Variants in CMTM7 observed in about 807,000 individuals in gnomAD.
The protein encoded by CMTM7 is CKLF-like MARVEL transmembrane domain-containing protein 7.
CMTM7 carries 7 observed loss-of-function variants against 19.3 expected under a neutral mutation model. The observed-to-expected ratio is 0.36, with a 90% CI of 0.21 to 0.68. The LOEUF is 0.68. Ranked by LOEUF, CMTM7 falls within the 30% of genes least tolerant of loss-of-function variation. CMTM7 has a pLI of 0.60. For missense variants in CMTM7, 193 were observed against 232.6 expected (o/e 0.83, Z 1.11); for synonymous variants, 87 against 99.3 (o/e 0.88, Z 0.74).
At chr3:32,404,637 CTA>C (rs1171259230) in intron 1 of CMTM7, among the ~76,000 whole-genome samples, 5 of 152,254 alleles carry the variant, frequency 3.3e-5, no homozygotes, top group Non-Finnish European at 5.9e-5. Context: ...CCGTGGTGTG[CTA>C]TCTCTCCATG....
At chr3:32,435,704 C>T (rs918878450) in intron 1 of CMTM7, among the ~76,000 whole-genome samples, 1 of 151,950 alleles carries the variant, frequency 6.6e-6, no homozygotes, top group South Asian at 2.1e-4. Flanking sequence ...TATCCAGCCC[C>T]GAATGTCAGT....
At position 32,454,357 on chromosome 3, in the gene CMTM7, G is replaced by A. The variant is rs769911223; in HGVS notation, c.*103G>A. On this transcript the variant is annotated 3_prime_UTR_variant, in exon 5 of 5. Coordinates refer to ENST00000334983, the MANE Select transcript of CMTM7 (RefSeq NM_138410.4). ...TGTTCCTGTGCCAAAGTCCTGTCAG[G>A]CTGGTGGGCACCAGGAAAGGCCTGC... The A allele has an allele frequency of 6.9e-7, 1 of 1,440,416 alleles. No individual in the cohort carries two copies. Among genetic ancestry groups the A allele is most frequent in the African/African-American group, 1.4e-5 (1 of 71,352 alleles). 89.2% of individuals were successfully genotyped at this position (1,440,416 alleles called of 1,614,324 possible).
chr3:32,429,601 A>ATT lies in CMTM7; in HGVS notation c.160-12223_160-12222dup, dbSNP rs1336943258. ...CCATCACGGCTGGCTGGAGCAGTGT[A>ATT]TTTTTTTTTTTTTTTTTGAGACGGA... is the stretch of plus-strand genomic sequence containing the variant. On this transcript the variant is annotated intron_variant, in intron 1 of 4. Transcript: ENST00000334983. Among the ~76,000 whole-genome samples the ATT allele has an allele frequency of 1.7e-3, 217 of 126,660 alleles. 1 individual carries two copies. The highest frequency in any genetic ancestry group is 5.3e-3 in the Middle Eastern group (1 of 190). The allele number at this position is 126,660 out of a possible 152,430, so 83.1% of individuals were successfully genotyped here.
chr3:32,406,486 T>C (rs970293498), intron 1 of CMTM7, among the ~76,000 whole-genome samples: 1 of 152,202 alleles, frequency 6.6e-6, no homozygotes, highest in Non-Finnish European at 1.5e-5. Flanking sequence ...GGGTCTTCCA[T>C]GTCTGCTGTC....
At chr3:32,394,943 G>A (rs972545429) in intron 1 of CMTM7, among the ~76,000 whole-genome samples, 9 of 151,586 alleles carry the variant, frequency 5.9e-5, no homozygotes, top group African/African-American at 1.9e-4. Flanking sequence ...ATCCGCCCCC[G>A]CCTCTGCCTC....
chr3:32,424,072 AG>A (rs1696387199), intron 1 of CMTM7, among the ~76,000 whole-genome samples: 2 of 152,236 alleles, frequency 1.3e-5, no homozygotes. Context: ...GAATCCAGAC[AG>A]GGCGCAGTGG....
At chr3:32,450,111 A>G (rs1696808670) in intron 3 of CMTM7, among the ~76,000 whole-genome samples, 1 of 152,200 alleles carries the variant, frequency 6.6e-6, no homozygotes, top group South Asian at 2.1e-4. Flanking sequence ...ATACATACAT[A>G]TATATGTATA....
chr3:32,402,037 T>C (rs1696015834), intron 1 of CMTM7, among the ~76,000 whole-genome samples: 1 of 152,210 alleles, frequency 6.6e-6, no homozygotes, highest in Admixed American at 6.5e-5. Context: ...GTCACTCTCC[T>C]CCCTCTGCTG....
chr3:32,446,878 C>G (rs1696761836), intron 2 of CMTM7, among the ~76,000 whole-genome samples: 1 of 152,206 alleles, frequency 6.6e-6, no homozygotes, highest in Non-Finnish European at 1.5e-5. Context: ...GAAGCAGATA[C>G]AGGTGCCATG....
intron 1 of CMTM7, among the ~76,000 whole-genome samples, chr3:32,424,325 C>G (rs577081632): frequency 1.3e-5 from 2 of 152,204 alleles, no homozygotes; most frequent in Non-Finnish European, 2.9e-5. Context: ...TTGTAGGCTG[C>G]GACCTCACCT....
In CMTM7 at chr3:32,452,919, ATTTTTTTTTTT is replaced by A. The variant is rs368112448; in HGVS notation, c.514+470_514+480del. 2.3e-4 allele frequency among the ~76,000 whole-genome samples: 8 copies of A among 35,354 alleles called. 1 individual carries two copies. The highest frequency in any genetic ancestry group is 8.5e-4 in the East Asian group (1 of 1,172). 23.2% of individuals were successfully genotyped at this position (35,354 alleles called of 152,430 possible). A position where few individuals can be genotyped will look rare whatever the true frequency, so the allele number is the denominator to read the frequency against. Reference sequence around the variant, plus strand: ...GTGTGCACCACCATGCCTAATTTCAATTTTTTTTTTTTTTTTTTTTTTTTTTTTTTTTTTAG... The same window carrying A: ...GTGTGCACCACCATGCCTAATTTCAATTTTTTTTTTTTTTTTTTTTTTTAG... On this transcript the variant is annotated intron_variant, in intron 4 of 4. Transcript: ENST00000334983.
At chr3:32,398,163 C>T (rs1695947218) in intron 1 of CMTM7, among the ~76,000 whole-genome samples, 1 of 152,172 alleles carries the variant, frequency 6.6e-6, no homozygotes, top group Non-Finnish European at 1.5e-5. Context: ...AATCTTCCCA[C>T]CCCAGACATT....
At chr3:32,420,589 T>A (rs950635883) in intron 1 of CMTM7, among the ~76,000 whole-genome samples, 11 of 152,182 alleles carry the variant, frequency 7.2e-5, no homozygotes, top group African/African-American at 2.7e-4. Flanking sequence ...GTCACAATGA[T>A]CATGCCTTTG....
At chr3:32,452,546 A>G in intron 4 of CMTM7, 73 bp downstream of exon 4, 3 of 1,462,456 alleles carry the variant, frequency 2.1e-6, no homozygotes, top group Non-Finnish European at 2.9e-6. Context: ...CTTCAGCCAT[A>G]GGGACAAACC....
chr3:32,417,307 G>A (rs865783957), intron 1 of CMTM7, among the ~76,000 whole-genome samples: 12 of 152,084 alleles, frequency 7.9e-5, no homozygotes, highest in Admixed American at 2.0e-4. Flanking sequence ...CCAGAATGTC[G>A]TATAAATGGA....
At chr3:32,435,834 T>C (rs904358548) in intron 1 of CMTM7, among the ~76,000 whole-genome samples, 1 of 152,248 alleles carries the variant, frequency 6.6e-6, no homozygotes, top group Non-Finnish European at 1.5e-5. Flanking sequence ...ATCTCTAAGA[T>C]GTATCATTTT....
chr3:32,406,980 G>A (rs1045884327), intron 1 of CMTM7, among the ~76,000 whole-genome samples: 2 of 152,312 alleles, frequency 1.3e-5, no homozygotes, highest in South Asian at 4.1e-4. Context: ...CTAGCAGAAG[G>A]CTGCAAGCAT....
intron 1 of CMTM7, among the ~76,000 whole-genome samples, chr3:32,435,378 TGG>T (rs1696582948): frequency 6.6e-6 from 1 of 152,222 alleles, no homozygotes; most frequent in South Asian, 2.1e-4. Context: ...CACTCCAGCC[TGG>T]GCGACTGGGA....
At chr3:32,432,910 C>A (rs569685847) in intron 1 of CMTM7, among the ~76,000 whole-genome samples, 32 of 152,276 alleles carry the variant, frequency 2.1e-4, no homozygotes, top group African/African-American at 7.2e-4. Context: ...ACCTACTCCT[C>A]CAGGGATTTT....
Sources: gnomAD v4.1 joint callset for allele counts (sites outside exome capture counted in the v4.1 genomes callset) on GRCh38, gnomAD v4.1.1 for gene constraint, MANE v1.5 for transcripts, NCBI Gene and HGNC (gene_info 2026-07-23, HGNC 2026-07-21) for gene names.